Variants in BRAF observed in about 807,000 individuals in gnomAD.
The protein encoded by BRAF is B-Raf proto-oncogene, serine/threonine kinase.
BRAF carries 16 observed loss-of-function variants against 104.6 expected under a neutral mutation model. The observed-to-expected ratio is 0.15, with a 90% CI of 0.10 to 0.23. The LOEUF is 0.23. Ranked by LOEUF, BRAF falls within the 10% of genes least tolerant of loss-of-function variation. BRAF has a pLI of 1.00. For missense variants in BRAF, 541 were observed against 937.3 expected, an observed-to-expected ratio of 0.58 and a Z score of 5.52; for synonymous variants, 310 against 341.6, an observed-to-expected ratio of 0.91 and a Z score of 1.02.
chr7:140,913,013 G>A (rs1051937562), intron 1 of BRAF, among the ~76,000 whole-genome samples: 2 of 152,098 alleles, frequency 1.3e-5, no homozygotes, highest in South Asian at 2.1e-4. Flanking sequence ...GCACATTCCC[G>A]ACACAGAATC....
At chr7:140,911,607 G>A (rs1816988960) in intron 1 of BRAF, among the ~76,000 whole-genome samples, 1 of 152,134 alleles carries the variant, frequency 6.6e-6, no homozygotes, top group African/African-American at 2.4e-5. Context: ...AGGGTGGGAT[G>A]GGGGAGGAAA....
chr7:140,822,787 C>T (rs1227528473), intron 3 of BRAF, among the ~76,000 whole-genome samples: 3 of 152,128 alleles, frequency 2.0e-5, no homozygotes, highest in East Asian at 1.9e-4. Flanking sequence ...GGGTAAATAC[C>T]GAGGAGTAGA....
At chr7:140,776,412 A>T (rs1370833827) in intron 14 of BRAF, among the ~76,000 whole-genome samples, 1 of 152,200 alleles carries the variant, frequency 6.6e-6, no homozygotes, top group Non-Finnish European at 1.5e-5. Context: ...ACTTTATAAA[A>T]TAACTCCTTA....
intron 2 of BRAF, among the ~76,000 whole-genome samples, chr7:140,838,439 C>T (rs1029307709): frequency 3.3e-5 from 5 of 152,068 alleles, no homozygotes; most frequent in African/African-American, 4.8e-5. Flanking sequence ...GTTGAGATCA[C>T]GCCACTGCAC....
At chr7:140,736,406 T>C (rs1585941374) in intron 18 of BRAF, among the ~76,000 whole-genome samples, 1 of 148,294 alleles carries the variant, frequency 6.7e-6, no homozygotes, top group Non-Finnish European at 1.5e-5. Flanking sequence ...AATACATACA[T>C]GAAAACAAGG....
Position 140,721,916 on chromosome 7 carries a change from C to T in BRAF, c.*4578G>A. The T allele has an allele frequency of 7.9e-7, 1 of 1,263,640 alleles. No individual in the cohort carries two copies. The highest frequency in any genetic ancestry group is 9.9e-7 in the Non-Finnish European group (1 of 1,007,112). The allele number at this position is 1,263,640 out of a possible 1,614,324, so 78.3% of individuals were successfully genotyped here. On this transcript the variant is annotated 3_prime_UTR_variant, in exon 20 of 20. Coordinates refer to ENST00000644969, the MANE Select transcript of BRAF (RefSeq NM_001374258.1). The stretch of plus-strand genomic sequence containing the variant: ...CAATCAAGTCCCGGGAAGAAATTTA[C>T]ATTTCAAACTCTGAAAAATCAGTGT...
chr7:140,847,385 C>A (rs1034091235), intron 2 of BRAF, among the ~76,000 whole-genome samples: 5 of 152,176 alleles, frequency 3.3e-5, no homozygotes, highest in African/African-American at 7.2e-5. Context: ...GAGTTTGAGA[C>A]CAGACTGGCC....
chr7:140,722,597 G>T lies in BRAF; in HGVS notation c.*3897C>A, dbSNP rs1383955278. ...GGTTGGAATCTGCTCGTCTCAAGGTGCTGGTATTCCTAGCACTAACAATGC... is the reference window on the plus strand; with the variant it reads ...GGTTGGAATCTGCTCGTCTCAAGGTTCTGGTATTCCTAGCACTAACAATGC... On this transcript the variant is annotated 3_prime_UTR_variant, in exon 20 of 20. Coordinates refer to ENST00000644969, the MANE Select transcript of BRAF (RefSeq NM_001374258.1). 9 of 1,054,984 alleles carry T rather than the reference G, an allele frequency of 8.5e-6. No homozygotes were observed. The highest frequency in any genetic ancestry group is 1.0e-5 in the Non-Finnish European group (9 of 872,864). 65.4% of individuals were successfully genotyped at this position (1,054,984 alleles called of 1,614,324 possible).
chr7:140,783,191 G>A (rs761676102), intron 10 of BRAF, 34 bp from the exon 10 acceptor site: 1 of 1,611,740 alleles, frequency 6.2e-7, no homozygotes, highest in African/African-American at 1.3e-5. Flanking sequence ...TATACATTAA[G>A]GAGGAGCAAG....
At chr7:140,903,916 T>C (rs1424986917) in intron 1 of BRAF, among the ~76,000 whole-genome samples, 1 of 152,190 alleles carries the variant, frequency 6.6e-6, no homozygotes, top group Non-Finnish European at 1.5e-5. Context: ...ATTGCTACAA[T>C]ATCATGATGA....
At chr7:140,830,431 TTG>T (rs767972076) in intron 3 of BRAF, among the ~76,000 whole-genome samples, 106 of 152,320 alleles carry the variant, frequency 7.0e-4, no homozygotes, top group Non-Finnish European at 7.1e-4. Flanking sequence ...CCTAAAACTC[TTG>T]TAATTTCCTG....
chr7:140,714,122 C>G, the BRAF span, among the ~76,000 whole-genome samples: 7 of 152,162 alleles, frequency 4.6e-5, no homozygotes, highest in Non-Finnish European at 1.0e-4. Flanking sequence ...AACCACTACT[C>G]TCTTCAAAGC....
rs1340521308 is a variant in BRAF at position 140,924,732 on chromosome 7, G to GC, written c.-30dup. ...ATAACCGAGAGCCGGGGCCCGAGCG[G>GC]CCGCTGTCGGGCGGGGAGGGGGAAG... On this transcript the variant is annotated 5_prime_UTR_variant, in exon 1 of 20. Coordinates refer to ENST00000644969, the MANE Select transcript of BRAF (RefSeq NM_001374258.1). The surrounding 1 kb of genome is among the most constrained non-coding windows in gnomAD (Gnocchi z 4.2). The GC allele has an allele frequency of 1.3e-6, 1 of 794,790 alleles. No individual in the cohort carries two copies. Among genetic ancestry groups the GC allele is most frequent in the Non-Finnish European group, 2.0e-6 (1 of 496,830 alleles). The allele number at this position is 794,790 out of a possible 1,614,324, so 49.2% of individuals were successfully genotyped here.
Position 140,748,353 on chromosome 7 carries a change from G to A in BRAF, c.2112+934C>T, listed in dbSNP as rs189463921. 8.3e-4 allele frequency among the ~76,000 whole-genome samples: 127 copies of A among 152,194 alleles called. 1 individual carries two copies. Among genetic ancestry groups the A allele is most frequent in the African/African-American group, 2.9e-3 (122 of 41,534 alleles). On this transcript the variant is annotated intron_variant, in intron 17 of 19. Transcript: ENST00000644969. ...TGTTTTTAAAAAAAATCTTTAGATTGGTGATTCTCAACTTTGGTCTGTATT... is the reference window on the plus strand; with the variant it reads ...TGTTTTTAAAAAAAATCTTTAGATTAGTGATTCTCAACTTTGGTCTGTATT...
intron 1 of BRAF, among the ~76,000 whole-genome samples, chr7:140,867,050 C>A (rs192416093): frequency 6.6e-6 from 1 of 152,166 alleles, no homozygotes; most frequent in African/African-American, 2.4e-5. Context: ...TTCCATTTTC[C>A]CTGTGCCATA....
chr7:140,832,625 T>A (rs764599738), intron 3 of BRAF, among the ~76,000 whole-genome samples: 44 of 152,250 alleles, frequency 2.9e-4, no homozygotes, highest in Non-Finnish European at 4.8e-4. Context: ...ATACAGTTTT[T>A]CTGAGTATTG....
At chr7:140,784,772 G>GT (rs1162406234) in intron 10 of BRAF, among the ~76,000 whole-genome samples, 1 of 151,974 alleles carries the variant, frequency 6.6e-6, no homozygotes, top group East Asian at 1.9e-4. Flanking sequence ...AGCCTCCCAA[G>GT]TAGCTGGGAT....
chr7:140,854,445 ATTCT>A (rs568688153), intron 1 of BRAF, among the ~76,000 whole-genome samples: 4 of 152,042 alleles, frequency 2.6e-5, no homozygotes, highest in Non-Finnish European at 5.9e-5. Context: ...TAGTTCAGTG[ATTCT>A]TTCTTAGGTC....
rs762305547 is a variant in BRAF at position 140,800,378 on chromosome 7, C to A, written c.964G>T (p.Ala322Ser). 1.2e-6 allele frequency: 2 copies of A among 1,614,030 alleles called. No individual in the cohort carries two copies. Among genetic ancestry groups the A allele is most frequent in the Non-Finnish European group, 8.5e-7 (1 of 1,179,982 alleles). Residue 322 changes from alanine (A) to serine (S), a missense_variant, in exon 7 of 20, where the codon GCC becomes TCC. Ala to Ser is a moderately conservative substitution (Grantham distance 99). Around this residue, in one of 10 missense-constraint regions of BRAF, gnomAD observed 79 missense variants for 74.6 expected, o/e 1.06. Transcript: ENST00000644969. ...AAACCATACCCAATAGAGTCCGAGG[C>A]GGGTGCGGAAGGGGATGATCCAGAT... is the stretch of plus-strand genomic sequence containing the variant. ...LTSGSSPSAPASDSIGPQILT... is the reference protein window; with the variant it reads ...LTSGSSPSAPSSDSIGPQILT...
Sources: gnomAD v4.1 joint callset for allele counts (sites outside exome capture counted in the v4.1 genomes callset) on GRCh38, gnomAD v4.1.1 for gene constraint, gnomAD v4.1.1 regional missense constraint, Gnocchi (gnomAD v3.1) non-coding constraint, MANE v1.5 for transcripts, NCBI Gene and HGNC (gene_info 2026-07-23, HGNC 2026-07-21) for gene names.